The following MAP3K21 variants were observed in gnomAD, a reference collection of about 807,000 sequenced individuals.
MAP3K21 encodes mitogen-activated protein kinase kinase kinase MLK4.
In MAP3K21, 63 loss-of-function variants were observed where a neutral mutation model predicts 86.1. The observed-to-expected ratio is 0.73, with a 90% CI of 0.60 to 0.90. MAP3K21 has a LOEUF of 0.90. Ranked by LOEUF, MAP3K21 falls within the 40% of genes least tolerant of loss-of-function variation. The pLI, the probability that MAP3K21 is intolerant of heterozygous loss-of-function variation, is 0.00. For missense variants in MAP3K21, 1,220 were observed against 1,367.7 expected (o/e 0.89, Z 1.70); for synonymous variants, 558 against 564.8 (o/e 0.99, Z 0.17).
chr1:233,336,854 C>A (rs1369461119), intron 1 of MAP3K21, among the ~76,000 whole-genome samples: 2 of 152,218 alleles, frequency 1.3e-5, no homozygotes, highest in Non-Finnish European at 2.9e-5. Context: ...AGAAATTCTT[C>A]CATGGCTACA....
In MAP3K21 at chr1:233,376,050, A is replaced by G; in HGVS notation, c.1810A>G (p.Thr604Ala). 1 of 1,603,978 alleles carries G rather than the reference A, an allele frequency of 6.2e-7. No individual in the cohort carries two copies. The highest frequency in any genetic ancestry group is 8.5e-7 in the Non-Finnish European group (1 of 1,177,740). ...AAATTCCATTCAAATGAAAGATAGAACAGATTGCAAAGAAAGGTACGTGTG... is the reference window on the plus strand; with the variant it reads ...AAATTCCATTCAAATGAAAGATAGAGCAGATTGCAAAGAAAGGTACGTGTG... ...GPNSIQMKDR[T>A]DCKERIRPLS... Residue 604 changes from threonine to alanine, a missense_variant, in exon 7 of 10, where the codon ACA (threonine) becomes GCA (alanine). By Grantham distance (58) the Thr-to-Ala change is moderately conservative (BLOSUM62 0). This residue lies in a region of MAP3K21 where 632 missense variants were observed against 691.3 expected (regional missense o/e 0.91). Coordinates refer to ENST00000366624, the MANE Select transcript of MAP3K21 (RefSeq NM_032435.3).
At chr1:233,363,851 C>CA (rs71793740) in intron 5 of MAP3K21, among the ~76,000 whole-genome samples, 22,797 of 128,576 alleles carry the variant, frequency 0.18, 1,880 homozygotes, top group Admixed American at 0.24. Context: ...TACTAAAATA[C>CA]AAAAAAAAAA....
rs529260714 is a variant in MAP3K21 at position 233,347,424 on chromosome 1, T to C, written c.986+802T>C. Among the ~76,000 whole-genome samples the C allele has an allele frequency of 3.3e-5, 5 of 152,266 alleles. 1 individual carries two copies. The South Asian group carries it at 1.0e-3, about 32-fold the overall frequency. On this transcript the variant is annotated intron_variant, in intron 2 of 9. Coordinates refer to ENST00000366624, the MANE Select transcript of MAP3K21 (RefSeq NM_032435.3). ...TAGAAGGATGCTAACAATTACAAAA[T>C]AACAAAGAAAAATCACACTGTTTAA...
At position 233,353,829 on chromosome 1, in the gene MAP3K21, C is replaced by G; in HGVS notation, c.1009C>G (p.Leu337Val). The G allele has an allele frequency of 6.2e-7, 1 of 1,603,986 alleles. No individual in the cohort carries two copies. The highest frequency in any genetic ancestry group is 8.5e-7 in the Non-Finnish European group (1 of 1,176,258). ...TAGCTATGGAGTGCTGCTGTGGGAACTGCTCACCGGAGAAGTCCCCTATCG... is the reference window on the plus strand; with the variant it reads ...TAGCTATGGAGTGCTGCTGTGGGAAGTGCTCACCGGAGAAGTCCCCTATCG... ...IWSYGVLLWE[L>V]LTGEVPYRGI... The change falls in exon 3 of 10, where the codon CTG becomes GTG. Residue 337 changes from leucine to valine, a missense_variant. Transcript: ENST00000366624.
At chr1:233,335,748 T>A (rs541762482) in intron 1 of MAP3K21, among the ~76,000 whole-genome samples, 1 of 152,176 alleles carries the variant, frequency 6.6e-6, no homozygotes, top group Admixed American at 6.5e-5. Context: ...TATTAGAAAT[T>A]TAAAATGATA....
At chr1:233,372,283 G>C (rs1257354550) in intron 6 of MAP3K21, 123 bp downstream of exon 6, 1 of 1,104,856 alleles carries the variant, frequency 9.1e-7, no homozygotes, top group East Asian at 2.6e-5. Flanking sequence ...ACATTTCGTA[G>C]GTGCCACAAC....
chr1:233,330,873 T>C (rs1662797796), intron 1 of MAP3K21, among the ~76,000 whole-genome samples: 1 of 152,224 alleles, frequency 6.6e-6, no homozygotes, highest in African/African-American at 2.4e-5. Context: ...TCCATTCCTA[T>C]GGGTTAATCC....
chr1:233,379,792 C>A, intron 9 of MAP3K21, 82 bp downstream of exon 9: 1 of 1,068,174 alleles, frequency 9.4e-7, no homozygotes, highest in Non-Finnish European at 1.4e-6. Context: ...ATGATTTTAT[C>A]TTTTCCTGGT....
intron 8 of MAP3K21, among the ~76,000 whole-genome samples, chr1:233,378,038 A>C (rs920926355): frequency 6.6e-6 from 1 of 152,172 alleles, no homozygotes; most frequent in Non-Finnish European, 1.5e-5. Context: ...TCACTCGCCC[A>C]CCTGCTGCTC....
chr1:233,365,263 A>C (rs925775828), intron 5 of MAP3K21, among the ~76,000 whole-genome samples: 6 of 152,282 alleles, frequency 3.9e-5, no homozygotes, highest in Middle Eastern at 3.4e-3. Context: ...AACAAAAAAC[A>C]AAAATAGACA....
intron 1 of MAP3K21, among the ~76,000 whole-genome samples, chr1:233,344,913 T>C (rs1663103966): frequency 1.3e-5 from 2 of 151,994 alleles, no homozygotes; most frequent in South Asian, 4.1e-4. Flanking sequence ...CATCAAAAAG[T>C]GGGCAAAGGA....
At chr1:233,371,919 C>A in intron 5 of MAP3K21, 119 bp from the exon 6 acceptor site, 1 of 953,072 alleles carries the variant, frequency 1.0e-6, no homozygotes, top group Non-Finnish European at 1.5e-6. Context: ...ATCGATCCTG[C>A]AATATTCTTT....
intron 1 of MAP3K21, among the ~76,000 whole-genome samples, chr1:233,335,277 A>G (rs932755100): frequency 7.2e-5 from 11 of 151,928 alleles, no homozygotes; most frequent in Non-Finnish European, 2.9e-5. Context: ...TGTACAGTTG[A>G]CCCCTTGGCA....
intron 6 of MAP3K21, chr1:233,373,627 A>G (rs1663729006): frequency 6.6e-6 from 1 of 152,376 alleles, no homozygotes; most frequent in East Asian, 1.9e-4. Flanking sequence ...GATGTTGCTC[A>G]TCTTCATTGT....
chr1:233,358,773 C>T (rs565841996), intron 4 of MAP3K21, among the ~76,000 whole-genome samples: 16 of 150,952 alleles, frequency 1.1e-4, no homozygotes, highest in African/African-American at 1.9e-4. Context: ...CCAGCCTGGG[C>T]GACAGAGCAA....
chr1:233,355,759 T>C (rs1663340646), intron 4 of MAP3K21, among the ~76,000 whole-genome samples: 1 of 152,162 alleles, frequency 6.6e-6, no homozygotes, highest in Non-Finnish European at 1.5e-5. Context: ...TGTGGTCTTC[T>C]GTGTGACAAA....
At chr1:233,335,653 C>T (rs1415509374) in intron 1 of MAP3K21, among the ~76,000 whole-genome samples, 2 of 152,018 alleles carry the variant, frequency 1.3e-5, no homozygotes, top group African/African-American at 2.4e-5. Flanking sequence ...TTATTGTCTC[C>T]GTATATTGCC....
intron 1 of MAP3K21, among the ~76,000 whole-genome samples, chr1:233,336,320 C>T (rs1211352120): frequency 6.6e-6 from 1 of 152,132 alleles, no homozygotes; most frequent in East Asian, 1.9e-4. Flanking sequence ...GTGGGTGGAT[C>T]ACTTGAGGTC....
chr1:233,340,822 T>A (rs1245136415), intron 1 of MAP3K21, among the ~76,000 whole-genome samples: 1 of 152,220 alleles, frequency 6.6e-6, no homozygotes, highest in Non-Finnish European at 1.5e-5. Context: ...GTTTTCTTGC[T>A]TATGACTTTT....
Sources: allele counts gnomAD v4.1 joint callset (sites outside exome capture counted in the v4.1 genomes callset), GRCh38; gene constraint gnomAD v4.1.1; regional missense constraint gnomAD v4.1.1; transcripts MANE v1.5; gene names NCBI Gene and HGNC (gene_info 2026-07-23, HGNC 2026-07-21).